The following KCNK2 variants were observed in gnomAD, a reference collection of about 807,000 sequenced individuals.
KCNK2 encodes potassium two pore domain channel subfamily K member 2.
A neutral mutation model predicts 40.5 loss-of-function variants in KCNK2; 21 were observed. That is an observed-to-expected ratio of 0.52 (90% CI 0.37 to 0.75). The LOEUF (loss-of-function observed/expected upper bound fraction) is 0.75. Ranked by LOEUF, KCNK2 falls within the 30% of genes least tolerant of loss-of-function variation. KCNK2 has a pLI of 0.00. For missense variants in KCNK2, 399 were observed against 531.6 expected (o/e 0.75, Z 2.45); for synonymous variants, 191 against 202.2 (o/e 0.94, Z 0.47).
chr1:215,237,016 G>A lies in KCNK2; in HGVS notation c.*1871G>A, dbSNP rs1666926464. On this transcript the variant is annotated 3_prime_UTR_variant, in exon 7 of 7. Coordinates refer to ENST00000444842, the MANE Select transcript of KCNK2 (RefSeq NM_001017425.3). ...ACCCATTTCCTCAAATAACTGTTCC[G>A]AAAATTTATATGGTGGAATGCGCCA... 6.6e-6 allele frequency: 1 copy of A among 152,574 alleles called. No homozygotes were observed. Among genetic ancestry groups the A allele is most frequent in the African/African-American group, 2.4e-5 (1 of 41,536 alleles). The allele number at this position is 152,574 out of a possible 1,614,324, so 9.5% of individuals were successfully genotyped here.
chr1:215,192,883 C>T (rs192176271), intron 5 of KCNK2, among the ~76,000 whole-genome samples: 85 of 152,182 alleles, frequency 5.6e-4, no homozygotes, highest in South Asian at 1.9e-3. Flanking sequence ...GAAAGCTGAA[C>T]GATGCCTATT....
At chr1:215,101,414 T>A (rs4262516) in intron 2 of KCNK2, among the ~76,000 whole-genome samples, 2 of 151,520 alleles carry the variant, frequency 1.3e-5, no homozygotes, top group East Asian at 3.9e-4. Context: ...TTTTTTGGGG[T>A]GGGCAGGAAG....
chr1:215,075,495 G>C (rs1264414533), intron 1 of KCNK2, among the ~76,000 whole-genome samples: 3 of 152,094 alleles, frequency 2.0e-5, no homozygotes, highest in Non-Finnish European at 4.4e-5. Flanking sequence ...CCATGATGAC[G>C]AGGATTTGTT....
intron 3 of KCNK2, among the ~76,000 whole-genome samples, chr1:215,132,405 C>G (rs962038051): frequency 6.6e-6 from 1 of 152,166 alleles, no homozygotes; most frequent in Non-Finnish European, 1.5e-5. Flanking sequence ...TCACTAGTCT[C>G]TTGCATGTTC....
chr1:215,030,561 GT>G (rs1657151043), intron 1 of KCNK2, among the ~76,000 whole-genome samples: 1 of 151,168 alleles, frequency 6.6e-6, no homozygotes, highest in Non-Finnish European at 1.5e-5. Context: ...TTGAGACAGA[GT>G]TTCACTCTGT....
intron 1 of KCNK2, among the ~76,000 whole-genome samples, chr1:215,016,287 G>GAGGATGCGATAAA (rs1273935266): frequency 6.6e-6 from 1 of 151,886 alleles, no homozygotes; most frequent in Non-Finnish European, 1.5e-5. Flanking sequence ...AAGAGATATA[G>GAGGATGCGATAAA]AACACATAAG....
chr1:215,067,316 A>T (rs1658588764), intron 1 of KCNK2, among the ~76,000 whole-genome samples: 1 of 152,202 alleles, frequency 6.6e-6, no homozygotes, highest in South Asian at 2.1e-4. Flanking sequence ...TACATGATAT[A>T]TATAATTTTT....
intron 5 of KCNK2, among the ~76,000 whole-genome samples, chr1:215,191,911 CAG>C (rs1008173411): frequency 5.9e-5 from 9 of 152,116 alleles, no homozygotes; most frequent in African/African-American, 2.2e-4. Flanking sequence ...AGAGAAAAAA[CAG>C]AGCGTGGGAG....
intron 3 of KCNK2, among the ~76,000 whole-genome samples, chr1:215,146,473 C>T (rs189788532): frequency 5.4e-4 from 82 of 152,238 alleles, no homozygotes; most frequent in African/African-American, 1.9e-3. Context: ...ACTGCAGGCG[C>T]GGTTGTTTCT....
chr1:215,190,816 C>T (rs1166773637), intron 5 of KCNK2, among the ~76,000 whole-genome samples: 1 of 152,136 alleles, frequency 6.6e-6, no homozygotes. Flanking sequence ...AACACCTACC[C>T]ACAGGGTGTT....
intron 3 of KCNK2, among the ~76,000 whole-genome samples, chr1:215,141,111 T>G (rs1302830233): frequency 1.3e-5 from 2 of 152,150 alleles, no homozygotes. Flanking sequence ...TTTTTCCCAC[T>G]GGAAAGTCTT....
chr1:215,124,667 C>T lies in KCNK2; in HGVS notation c.392C>T (p.Pro131Leu), dbSNP rs150182247. The T allele has an allele frequency of 2.4e-5, 39 of 1,612,290 alleles. No homozygotes were observed. In the East Asian group the frequency reaches 3.8e-4, roughly 16 times the overall value. The change falls in exon 3 of 7, where the codon CCG (proline) becomes CTG (leucine). Residue 131 changes from proline to leucine, a missense_variant. Physicochemically the swap from Pro to Leu is moderately conservative, Grantham distance 98. This residue lies in a region of KCNK2 where 279 missense variants were observed against 353.8 expected (regional missense o/e 0.79). Coordinates refer to ENST00000444842, the MANE Select transcript of KCNK2 (RefSeq NM_001017425.3). ...GCAGCAATAAATGCAGGGATTATAC[C>T]GTTAGGAAACACCTCCAATCAAATC... ...IVAAINAGIIPLGNTSNQISH... is the reference protein window; with the variant it reads ...IVAAINAGIILLGNTSNQISH...
At position 215,018,005 on chromosome 1, in the gene KCNK2, G is replaced by A. The variant is rs556550331; in HGVS notation, c.34+12050G>A. On this transcript the variant is annotated intron_variant, in intron 1 of 6. Coordinates refer to the KCNK2 transcript ENST00000391895. ...TGGAGATGCATTTTGAGAGAATGAAGGAAAAGTAGTCTGCAAATAATTAGT... is the reference window on the plus strand; with the variant it reads ...TGGAGATGCATTTTGAGAGAATGAAAGAAAAGTAGTCTGCAAATAATTAGT... 5.1e-3 allele frequency among the ~76,000 whole-genome samples: 779 copies of A among 152,012 alleles called. 11 individuals are homozygous for A. Among genetic ancestry groups the A allele is most frequent in the Non-Finnish European group, 7.5e-3 (512 of 67,942 alleles).
intron 3 of KCNK2, among the ~76,000 whole-genome samples, chr1:215,149,621 G>A (rs1003058082): frequency 6.6e-6 from 1 of 152,144 alleles, no homozygotes; most frequent in Non-Finnish European, 1.5e-5. Context: ...CTAAAGGGAG[G>A]AACATGAAAT....
At chr1:215,112,865 T>C (rs973967105) in intron 2 of KCNK2, among the ~76,000 whole-genome samples, 15 of 152,148 alleles carry the variant, frequency 9.9e-5, no homozygotes, top group Admixed American at 9.2e-4. Context: ...GTGGAAGTAC[T>C]CTCTATGATG....
intron 2 of KCNK2, among the ~76,000 whole-genome samples, chr1:215,101,491 G>C (rs1024391084): frequency 2.0e-5 from 3 of 151,952 alleles, no homozygotes; most frequent in African/African-American, 7.2e-5. Context: ...ACCCATAGAA[G>C]GTCTGATGTG....
At chr1:215,218,277 T>C (rs1666035831) in intron 6 of KCNK2, among the ~76,000 whole-genome samples, 1 of 152,182 alleles carries the variant, frequency 6.6e-6, no homozygotes. Context: ...CTGGGAAGTC[T>C]GAAGGTGAGT....
intron 2 of KCNK2, among the ~76,000 whole-genome samples, chr1:215,105,023 C>G (rs1311317483): frequency 6.6e-6 from 1 of 152,068 alleles, no homozygotes; most frequent in African/African-American, 2.4e-5. Context: ...TCTTTTTAAA[C>G]TGTTCTGTTA....
At chr1:215,060,187 A>G (rs1022291424) in intron 1 of KCNK2, among the ~76,000 whole-genome samples, 10 of 152,188 alleles carry the variant, frequency 6.6e-5, no homozygotes, top group African/African-American at 1.9e-4. Context: ...AAGCGCTGAG[A>G]GGAGGCTAAA....
Sources: gnomAD v4.1 joint callset for allele counts (sites outside exome capture counted in the v4.1 genomes callset) on GRCh38, gnomAD v4.1.1 for gene constraint, gnomAD v4.1.1 regional missense constraint, MANE v1.5 for transcripts, NCBI Gene and HGNC (gene_info 2026-07-23, HGNC 2026-07-21) for gene names.